The following XYLT1 variants were observed in gnomAD, a reference collection of about 807,000 sequenced individuals.
The protein encoded by XYLT1 is beta-D-xylosyltransferase 1.
XYLT1 carries 36 observed loss-of-function variants against 91.3 expected under a neutral mutation model. That is an observed-to-expected ratio of 0.39 (90% CI 0.30 to 0.52). The LOEUF is 0.52. XYLT1 is among the 20% of genes least tolerant of loss of function. XYLT1 has a pLI of 0.68. For synonymous variants in XYLT1, 588 were observed against 532.0 expected (o/e 1.11, Z -1.45); for missense variants, 1,242 against 1,284.5 (o/e 0.97, Z 0.51).
At chr16:17,185,132 A>C (rs1489350386) in intron 5 of XYLT1, among the ~76,000 whole-genome samples, 1 of 151,264 alleles carries the variant, frequency 6.6e-6, no homozygotes, top group Non-Finnish European at 1.5e-5. Flanking sequence ...AGAAGGCTTA[A>C]AGAGCTGACC....
In XYLT1 at chr16:17,261,156, T is replaced by C. The variant is rs940507075; in HGVS notation, c.403-1658A>G. On this transcript the variant is annotated intron_variant, in intron 2 of 11. Transcript: ENST00000261381. ...AACTCAGAAATCTGAGGCAGGAGAA[T>C]TGCTTGAACCTGGGAGGCGGAGGTT... is the stretch of plus-strand genomic sequence containing the variant. Among the ~76,000 whole-genome samples, 8 of 150,788 alleles carry C rather than the reference T, an allele frequency of 5.3e-5. No individual in the cohort carries two copies. In the Middle Eastern group the frequency reaches 0.017, roughly 323 times the overall value.
chr16:17,423,006 G>C (rs7203032), intron 1 of XYLT1, among the ~76,000 whole-genome samples: 1 of 152,138 alleles, frequency 6.6e-6, no homozygotes, highest in Non-Finnish European at 1.5e-5. Flanking sequence ...CAAAGTCCCC[G>C]TACAGACTAG....
chr16:17,300,333 T>C (rs905480606), intron 2 of XYLT1, among the ~76,000 whole-genome samples: 1 of 150,840 alleles, frequency 6.6e-6, no homozygotes, highest in African/African-American at 2.4e-5. Context: ...CTATGGCGAG[T>C]TTTTAATTGC....
chr16:17,124,083 C>G (rs181833045), intron 10 of XYLT1, among the ~76,000 whole-genome samples: 5 of 152,080 alleles, frequency 3.3e-5, no homozygotes, highest in African/African-American at 1.2e-4. Flanking sequence ...AATTCTTATC[C>G]GTTCTGTATC....
intron 2 of XYLT1, among the ~76,000 whole-genome samples, chr16:17,320,867 A>G (rs1370534026): frequency 6.7e-6 from 1 of 149,328 alleles, no homozygotes; most frequent in African/African-American, 2.5e-5. Flanking sequence ...GACTCATAGA[A>G]TTGTTTTTGG....
At chr16:17,457,583 A>G (rs2036761693) in intron 1 of XYLT1, among the ~76,000 whole-genome samples, 1 of 152,214 alleles carries the variant, frequency 6.6e-6, no homozygotes, top group Non-Finnish European at 1.5e-5. Flanking sequence ...CTCACCTTCT[A>G]AACAAGAGAA....
intron 1 of XYLT1, among the ~76,000 whole-genome samples, chr16:17,362,152 C>T (rs1321339378): frequency 6.6e-6 from 1 of 152,062 alleles, no homozygotes; most frequent in African/African-American, 2.4e-5. Flanking sequence ...TTACTTTAGA[C>T]AAAATAATCC....
intron 1 of XYLT1, among the ~76,000 whole-genome samples, chr16:17,427,549 G>T (rs564751155): frequency 4.6e-5 from 7 of 152,132 alleles, no homozygotes; most frequent in South Asian, 2.1e-4. Context: ...CTCCCAAAGC[G>T]CTGGGATTAC....
At chr16:17,448,796 T>G (rs12445675) in intron 1 of XYLT1, among the ~76,000 whole-genome samples, 1 of 151,722 alleles carries the variant, frequency 6.6e-6, no homozygotes, top group Non-Finnish European at 1.5e-5. Flanking sequence ...AGCAGCAGCA[T>G]GTTATGGTGC....
At chr16:17,202,762 T>C (rs1278274724) in intron 3 of XYLT1, among the ~76,000 whole-genome samples, 1 of 152,172 alleles carries the variant, frequency 6.6e-6, no homozygotes, top group Non-Finnish European at 1.5e-5. Context: ...GCTTATTATC[T>C]GAACACACCA....
chr16:17,402,664 CATT>C (rs1262554440), intron 1 of XYLT1, among the ~76,000 whole-genome samples: 3 of 151,914 alleles, frequency 2.0e-5, no homozygotes, highest in Non-Finnish European at 4.4e-5. Context: ...AAATGCCCAT[CATT>C]AAGCTCTCTT....
At chr16:17,256,930 C>A (rs2033641942) in intron 3 of XYLT1, among the ~76,000 whole-genome samples, 1 of 152,210 alleles carries the variant, frequency 6.6e-6, no homozygotes, top group Non-Finnish European at 1.5e-5. Flanking sequence ...CAGTGGATCC[C>A]TTCCAGCTGC....
intron 2 of XYLT1, among the ~76,000 whole-genome samples, chr16:17,348,309 G>C (rs2035174101): frequency 6.6e-6 from 1 of 152,132 alleles, no homozygotes; most frequent in Non-Finnish European, 1.5e-5. Context: ...AGGAATCCTG[G>C]TTTGCTACTG....
At chr16:17,338,788 T>G (rs1181181388) in intron 2 of XYLT1, among the ~76,000 whole-genome samples, 1 of 152,168 alleles carries the variant, frequency 6.6e-6, no homozygotes, top group Non-Finnish European at 1.5e-5. Context: ...TTTCACCATA[T>G]TGGTCAGGCT....
chr16:17,268,667 C>CT (rs56389780), intron 2 of XYLT1, among the ~76,000 whole-genome samples: 13,564 of 137,928 alleles, frequency 0.098, 817 homozygotes, highest in African/African-American at 0.16. Context: ...GTGATAAATA[C>CT]TTTTTTTTTT....
chr16:17,202,207 A>G (rs2032556012), intron 3 of XYLT1, among the ~76,000 whole-genome samples: 1 of 152,160 alleles, frequency 6.6e-6, no homozygotes, highest in Admixed American at 6.5e-5. Context: ...GACCCAGGAC[A>G]TTGTCAGGGT....
At position 17,350,327 on chromosome 16, in the gene XYLT1, G is replaced by T. The variant is rs1330051405; in HGVS notation, c.402+7685C>A. Among the ~76,000 whole-genome samples the T allele has an allele frequency of 2.0e-5, 3 of 152,346 alleles. No individual in the cohort carries two copies. The East Asian group carries it at 5.8e-4, about 29-fold the overall frequency. ...CATGTGGCTGCACTTTGGGGAACTT[G>T]CTGGCTATTTGCGGAATGTTGTATC... On this transcript the variant is annotated intron_variant, in intron 2 of 11. Coordinates refer to ENST00000261381, the MANE Select transcript of XYLT1 (RefSeq NM_022166.4).
chr16:17,253,886 C>T (rs1338943100), intron 3 of XYLT1, among the ~76,000 whole-genome samples: 1 of 149,260 alleles, frequency 6.7e-6, no homozygotes, highest in Admixed American at 6.8e-5. Context: ...GGAAGAACAC[C>T]TCTGGGGCTT....
intron 2 of XYLT1, among the ~76,000 whole-genome samples, chr16:17,327,627 C>G (rs1253185559): frequency 3.5e-5 from 4 of 114,838 alleles, no homozygotes; most frequent in Non-Finnish European, 5.6e-5. Flanking sequence ...CCCCCCCCCC[C>G]CGCCTCGGCC....
Sources: allele counts gnomAD v4.1 joint callset (sites outside exome capture counted in the v4.1 genomes callset), GRCh38; gene constraint gnomAD v4.1.1; transcripts MANE v1.5; gene names NCBI Gene and HGNC (gene_info 2026-07-23, HGNC 2026-07-21).